Variants in AFG2A observed in about 807,000 individuals in gnomAD.
AFG2A encodes ATPase family gene 2 protein homolog A.
chr4:122,923,812 AG>A, the AFG2A span, among the ~76,000 whole-genome samples: 1 of 152,166 alleles, frequency 6.6e-6, no homozygotes, highest in Non-Finnish European at 1.5e-5. Flanking sequence ...TTTCTACAGA[AG>A]CCGTGACCGA....
chr4:122,942,767 C>A, the AFG2A span, among the ~76,000 whole-genome samples: 5 of 150,984 alleles, frequency 3.3e-5, no homozygotes, highest in Non-Finnish European at 5.9e-5. Flanking sequence ...CTCTTGTGGG[C>A]ATTTAGTGCT....
the AFG2A span, among the ~76,000 whole-genome samples, chr4:122,945,501 C>T: frequency 3.5e-3 from 534 of 152,350 alleles, 3 homozygotes; most frequent in Middle Eastern, 0.014. Context: ...ATCGGAAAAG[C>T]GCGGTATTAG....
the AFG2A span, among the ~76,000 whole-genome samples, chr4:123,258,155 T>C: frequency 1.3e-5 from 2 of 152,228 alleles, no homozygotes; most frequent in African/African-American, 4.8e-5. Context: ...TAGTATATTA[T>C]TACAACTTCA....
At chr4:123,095,045 AT>A in the AFG2A span, among the ~76,000 whole-genome samples, 519 of 84,200 alleles carry the variant, frequency 6.2e-3, 3 homozygotes, top group African/African-American at 0.02. Context: ...AAAAAAAAAT[AT>A]ATATATATAT....
chr4:122,985,333 T>G, the AFG2A span, among the ~76,000 whole-genome samples: 1 of 152,112 alleles, frequency 6.6e-6, no homozygotes, highest in Non-Finnish European at 1.5e-5. Flanking sequence ...TTCTCCATGT[T>G]GGTCAGGCTT....
the AFG2A span, among the ~76,000 whole-genome samples, chr4:123,118,334 A>AT: frequency 5.9e-4 from 8 of 13,632 alleles, no homozygotes; most frequent in East Asian, 8.6e-3. Context: ...TATATAATAT[A>AT]TATATTATAT....
chr4:123,138,063 T>G, the AFG2A span, among the ~76,000 whole-genome samples: 2 of 152,232 alleles, frequency 1.3e-5, no homozygotes, highest in Non-Finnish European at 2.9e-5. Flanking sequence ...TAATCTTTTC[T>G]GTACTGCTTG....
chr4:123,077,046 GTTT>G, the AFG2A span, among the ~76,000 whole-genome samples: 6 of 108,540 alleles, frequency 5.5e-5, no homozygotes, highest in East Asian at 5.8e-4. Context: ...TCCTGTTGTT[GTTT>G]TTTTTTTTTT....
the AFG2A span, among the ~76,000 whole-genome samples, chr4:122,943,580 T>C: frequency 6.6e-6 from 1 of 152,198 alleles, no homozygotes; most frequent in Non-Finnish European, 1.5e-5. Context: ...GGGTCTTGAC[T>C]CTTTATCCAG....
the AFG2A span, among the ~76,000 whole-genome samples, chr4:122,984,212 G>T: frequency 1.3e-5 from 2 of 151,846 alleles, no homozygotes; most frequent in Non-Finnish European, 2.9e-5. Flanking sequence ...TTTTTTTGCA[G>T]CTATTGTAAA....
At chr4:123,305,308 ATT>A in the AFG2A span, among the ~76,000 whole-genome samples, 2 of 152,130 alleles carry the variant, frequency 1.3e-5, no homozygotes, top group East Asian at 3.9e-4. Flanking sequence ...CGGCATCCCT[ATT>A]GGAAGGGAGC....
the AFG2A span, among the ~76,000 whole-genome samples, chr4:123,300,572 T>C: frequency 6.6e-6 from 1 of 152,152 alleles, no homozygotes; most frequent in Non-Finnish European, 1.5e-5. Flanking sequence ...ATACCCAGTA[T>C]ATAGTGTTGT....
the AFG2A span, chr4:122,933,624 A>G: frequency 1.5e-6 from 1 of 683,064 alleles, no homozygotes; most frequent in African/African-American, 1.8e-5. Flanking sequence ...TATTCCCCTC[A>G]ATGAATGAAT....
chr4:123,305,715 T>C, the AFG2A span, among the ~76,000 whole-genome samples: 1 of 152,222 alleles, frequency 6.6e-6, no homozygotes, highest in Non-Finnish European at 1.5e-5. Context: ...AAATTATTAC[T>C]GCTTGCTTAG....
chr4:123,093,416 A>G, the AFG2A span, among the ~76,000 whole-genome samples: 38 of 152,238 alleles, frequency 2.5e-4, no homozygotes, highest in Admixed American at 6.5e-4. Context: ...AGTCATTGCC[A>G]TGACATTTGT....
At chr4:122,962,084 C>T in the AFG2A span, among the ~76,000 whole-genome samples, 1 of 152,200 alleles carries the variant, frequency 6.6e-6, no homozygotes, top group Non-Finnish European at 1.5e-5. Context: ...AACCTATTTC[C>T]CTCACGTGCA....
At chr4:122,941,910 G>C in the AFG2A span, among the ~76,000 whole-genome samples, 1 of 150,764 alleles carries the variant, frequency 6.6e-6, no homozygotes, top group Non-Finnish European at 1.5e-5. Context: ...TTTGTCTTTG[G>C]TTCTGTTTAT....
the AFG2A span, among the ~76,000 whole-genome samples, chr4:123,192,305 G>A: frequency 6.6e-6 from 1 of 151,974 alleles, no homozygotes; most frequent in Non-Finnish European, 1.5e-5. Context: ...GGGATTACAG[G>A]TGTGAGCCAC....
At chr4:123,007,617 T>C in the AFG2A span, among the ~76,000 whole-genome samples, 3 of 45,964 alleles carry the variant, frequency 6.5e-5, no homozygotes, top group Non-Finnish European at 1.3e-4. Context: ...TGTATATATA[T>C]ATATATATAT....
Sources: gnomAD v4.1 joint callset for allele counts (sites outside exome capture counted in the v4.1 genomes callset) on GRCh38, gnomAD v4.1.1 for gene constraint, MANE v1.5 for transcripts, NCBI Gene and HGNC (gene_info 2026-07-23, HGNC 2026-07-21) for gene names.